The following EHD3 variants were observed in gnomAD, a reference collection of about 807,000 sequenced individuals.
The protein encoded by EHD3 is EH domain containing 3.
In EHD3, 17 loss-of-function variants were observed where a neutral mutation model predicts 43.0. The ratio of observed to expected loss-of-function variants is 0.40; its 90% CI spans 0.27 to 0.59. The LOEUF (loss-of-function observed/expected upper bound fraction) is 0.59, where lower values mean the gene tolerates loss of function less well. Among genes scored for constraint, EHD3 ranks in the 20% least tolerant of loss-of-function variants. EHD3 has a pLI of 0.49. For missense variants in EHD3, 594 were observed against 705.6 expected (o/e 0.84, Z 1.79); for synonymous variants, 313 against 289.5 (o/e 1.08, Z -0.82).
At chr2:31,236,586 C>A (rs1683328418) in intron 1 of EHD3, among the ~76,000 whole-genome samples, 1 of 152,212 alleles carries the variant, frequency 6.6e-6, no homozygotes, top group African/African-American at 2.4e-5. Flanking sequence ...CCCATTCATG[C>A]CTCAGGGGAA....
At chr2:31,253,315 G>A (rs1264447225) in intron 3 of EHD3, among the ~76,000 whole-genome samples, 1 of 150,884 alleles carries the variant, frequency 6.6e-6, no homozygotes, top group East Asian at 2.0e-4. Context: ...CTTTCTCATG[G>A]CTTCTTGCCT....
In EHD3 at chr2:31,260,947, G is replaced by A; in HGVS notation, c.915+25G>A. Reference sequence around the variant, plus strand: ...GGTGAGGCAGCCCCCTGGGAGGTGGGCAGCTTGGGCAGGGGCCCAGAGTTT... The same window carrying A: ...GGTGAGGCAGCCCCCTGGGAGGTGGACAGCTTGGGCAGGGGCCCAGAGTTT... On this transcript the variant is annotated intron_variant, in intron 4 of 5. Transcript: ENST00000322054. This position sits in a 1 kb window ranked among gnomAD's most constrained non-coding sequence, Gnocchi z 4.6. The A allele has an allele frequency of 6.4e-7, 1 of 1,562,072 alleles. No individual in the cohort carries two copies. Among genetic ancestry groups the A allele is most frequent in the Non-Finnish European group, 8.6e-7 (1 of 1,156,536 alleles).
chr2:31,259,276 C>T (rs914704825), intron 3 of EHD3, among the ~76,000 whole-genome samples: 2 of 152,188 alleles, frequency 1.3e-5, no homozygotes, highest in Non-Finnish European at 2.9e-5. Context: ...CATCTTCATG[C>T]GACTGCTGCT....
In EHD3 at chr2:31,266,909, A is replaced by G. The variant is rs962893406; in HGVS notation, c.*205A>G. 4 of 634,714 alleles carry G rather than the reference A, an allele frequency of 6.3e-6. No homozygotes were observed. Among genetic ancestry groups the G allele is most frequent in the Non-Finnish European group, 1.1e-5 (4 of 380,608 alleles). The allele number at this position is 634,714 out of a possible 1,614,324, so 39.3% of individuals were successfully genotyped here. ...GGCACACCTCCAAGTTCTCGGGATT[A>G]GAAGGACAAGAGCACTCCCAGGCCC... On this transcript the variant is annotated 3_prime_UTR_variant, in exon 6 of 6. Coordinates refer to ENST00000322054, the MANE Select transcript of EHD3 (RefSeq NM_014600.3). The surrounding 1 kb of genome is among the most constrained non-coding windows in gnomAD (Gnocchi z 5.1).
intron 3 of EHD3, among the ~76,000 whole-genome samples, chr2:31,257,362 A>G (rs1039519678): frequency 6.6e-6 from 1 of 150,928 alleles, no homozygotes; most frequent in Admixed American, 6.6e-5. Flanking sequence ...GGAGGGGAGT[A>G]GTGCGGGCTG....
intron 3 of EHD3, 117 bp downstream of exon 3, chr2:31,249,585 T>G: frequency 1.1e-6 from 1 of 896,752 alleles, no homozygotes; most frequent in Non-Finnish European, 1.7e-6. Flanking sequence ...GAGCCGGCAC[T>G]TCTCCTGTGC....
rs1260910264 is a variant in EHD3 at position 31,234,333 on chromosome 2, G to A, written c.-289G>A. Reference sequence around the variant, plus strand: ...CCGGCATCTGGCAGTTTCCTTGCAGGTTCAACTTTAATTGCCAAGATTTCA... The same window carrying A: ...CCGGCATCTGGCAGTTTCCTTGCAGATTCAACTTTAATTGCCAAGATTTCA... On this transcript the variant is annotated 5_prime_UTR_variant, in exon 1 of 6. Coordinates refer to ENST00000322054, the MANE Select transcript of EHD3 (RefSeq NM_014600.3). 3 of 425,378 alleles carry A rather than the reference G, an allele frequency of 7.1e-6. No individual in the cohort carries two copies. The highest frequency in any genetic ancestry group is 2.2e-5 in the South Asian group (1 of 44,610). The allele number at this position is 425,378 out of a possible 1,614,324, so 26.4% of individuals were successfully genotyped here.
At chr2:31,252,944 G>A (rs957785186) in intron 3 of EHD3, among the ~76,000 whole-genome samples, 9 of 152,256 alleles carry the variant, frequency 5.9e-5, no homozygotes, top group Non-Finnish European at 1.0e-4. Flanking sequence ...CGCCTGGGGC[G>A]GTGCTGACCT....
rs6735512 is a variant in EHD3 at position 31,240,326 on chromosome 2, T to C, written c.228-3948T>C. ...TTCTTTTTTCACACTGCTGTGGGAA[T>C]GTTTTCTCCTGGCAACAGAGGCAAT... On this transcript the variant is annotated intron_variant, in intron 1 of 5. Coordinates refer to ENST00000322054, the MANE Select transcript of EHD3 (RefSeq NM_014600.3). Among the ~76,000 whole-genome samples, 955 of 152,346 alleles carry C rather than the reference T, an allele frequency of 6.3e-3. 13 individuals carry two copies. The highest frequency in any genetic ancestry group is 0.022 in the African/African-American group (903 of 41,556).
In EHD3 at chr2:31,266,782, ACACACACAC is replaced by A; in HGVS notation, c.*79_*87del. On this transcript the variant is annotated 3_prime_UTR_variant, in exon 6 of 6. Transcript: ENST00000322054. This position sits in a 1 kb window ranked among gnomAD's most constrained non-coding sequence, Gnocchi z 5.1. ...TGACTACACACACACACACACACAC[ACACACACAC>A]ACAAACATGCACACACACATATGCA... The A allele has an allele frequency of 7.1e-7, 1 of 1,411,408 alleles. No homozygotes were observed. The highest frequency in any genetic ancestry group is 1.4e-5 in the African/African-American group (1 of 70,886). 87.4% of individuals were successfully genotyped at this position (1,411,408 alleles called of 1,614,324 possible). A position where few individuals can be genotyped will look rare whatever the true frequency, so the allele number is the denominator to read the frequency against.
chr2:31,246,456 G>C (rs1466617454), intron 2 of EHD3, among the ~76,000 whole-genome samples: 1 of 151,856 alleles, frequency 6.6e-6, no homozygotes, highest in Non-Finnish European at 1.5e-5. Context: ...GGAGAGGAGG[G>C]AAAAGCCAGG....
chr2:31,252,421 TTCCTA>T (rs1312257736), intron 3 of EHD3, among the ~76,000 whole-genome samples: 1 of 152,218 alleles, frequency 6.6e-6, no homozygotes, highest in African/African-American at 2.4e-5. Context: ...CCTTCCTCAG[TTCCTA>T]TCCTATTCTA....
Position 31,234,636 on chromosome 2 carries a change from G to A in EHD3, c.15G>A (p.Leu5=). Residue 5 remains leucine, a synonymous_variant, in exon 1 of 6, where the codon CTG becomes CTA. Transcript: ENST00000322054. The part of the protein sequence containing the change: MFSW[L]GTDDRRRKDP... ...CGGCGGCCGCGATGTTCAGCTGGCTGGGTACGGACGACCGCCGGAGGAAGG... is the reference window on the plus strand; with the variant it reads ...CGGCGGCCGCGATGTTCAGCTGGCTAGGTACGGACGACCGCCGGAGGAAGG... The A allele has an allele frequency of 6.2e-7, 1 of 1,613,906 alleles. No homozygotes were observed. The highest frequency in any genetic ancestry group is 1.1e-5 in the South Asian group (1 of 91,080).
At chr2:31,262,214 A>T (rs78917693) in intron 5 of EHD3, among the ~76,000 whole-genome samples, 2,293 of 152,324 alleles carry the variant, frequency 0.015, 48 homozygotes, top group African/African-American at 0.053. Flanking sequence ...TGGCCATCAC[A>T]CATGGTTTCT....
intron 2 of EHD3, among the ~76,000 whole-genome samples, chr2:31,244,949 C>T (rs1683490681): frequency 6.6e-6 from 1 of 152,112 alleles, no homozygotes; most frequent in East Asian, 1.9e-4. Context: ...ACCTCTCTTC[C>T]CCCGGGACAA....
At chr2:31,252,041 A>G (rs1683645110) in intron 3 of EHD3, among the ~76,000 whole-genome samples, 1 of 152,180 alleles carries the variant, frequency 6.6e-6, no homozygotes, top group Non-Finnish European at 1.5e-5. Context: ...AGGCCAGTGT[A>G]GCCTGACCAG....
At position 31,268,727 on chromosome 2, in the gene EHD3, C is replaced by G. The variant is rs1487262172; in HGVS notation, c.*2023C>G. 1 of 152,244 alleles carries G rather than the reference C, an allele frequency of 6.6e-6. No homozygotes were observed. Among genetic ancestry groups the G allele is most frequent in the African/African-American group, 2.4e-5 (1 of 41,468 alleles). The allele number at this position is 152,244 out of a possible 1,614,324, so 9.4% of individuals were successfully genotyped here. A position where few individuals can be genotyped will look rare whatever the true frequency, so the allele number is the denominator to read the frequency against. On this transcript the variant is annotated 3_prime_UTR_variant, in exon 6 of 6. Coordinates refer to ENST00000322054, the MANE Select transcript of EHD3 (RefSeq NM_014600.3). ...GGTCTCACCTGCTCTGGAGAAAACC[C>G]TTGAGTGCCGAGTGCAGGTTAGGGA...
intron 5 of EHD3, among the ~76,000 whole-genome samples, chr2:31,265,087 T>C (rs181259559): frequency 3.3e-5 from 5 of 152,306 alleles, no homozygotes; most frequent in African/African-American, 1.2e-4. Flanking sequence ...TCTTGAGAGA[T>C]AGTAATACAC....
Position 31,260,421 on chromosome 2 carries a change from T to C in EHD3, c.503-89T>C. On this transcript the variant is annotated intron_variant, in intron 3 of 5. Transcript: ENST00000322054. The surrounding 1 kb of genome is among the most constrained non-coding windows in gnomAD (Gnocchi z 4.6). ...TAAACTTAGATCTGACTCCCAAGAC[T>C]GTGTTATTTCTACCACACCCGACTG... 7.5e-7 allele frequency: 1 copy of C among 1,329,286 alleles called. No individual in the cohort carries two copies. The highest frequency in any genetic ancestry group is 1.5e-5 in the African/African-American group (1 of 68,440). 82.3% of individuals were successfully genotyped at this position (1,329,286 alleles called of 1,614,324 possible). A position where few individuals can be genotyped will look rare whatever the true frequency, so the allele number is the denominator to read the frequency against.
Sources: gnomAD v4.1 joint callset for allele counts (sites outside exome capture counted in the v4.1 genomes callset) on GRCh38, gnomAD v4.1.1 for gene constraint, Gnocchi (gnomAD v3.1) non-coding constraint, MANE v1.5 for transcripts, NCBI Gene and HGNC (gene_info 2026-07-23, HGNC 2026-07-21) for gene names.